SH3RF2: variants seen among roughly 807,000 people sequenced by gnomAD.
The protein encoded by SH3RF2 is SH3 domain containing ring finger 2.
SH3RF2 carries 43 observed loss-of-function variants against 59.0 expected under a neutral mutation model. The ratio of observed to expected loss-of-function variants is 0.73; its 90% CI spans 0.57 to 0.94. The LOEUF is 0.94. Ranked by LOEUF, SH3RF2 falls within the 40% of genes least tolerant of loss-of-function variation. The pLI is 0.00. For missense variants in SH3RF2, 930 were observed against 940.1 expected (o/e 0.99, Z 0.14); for synonymous variants, 391 against 391.5 (o/e 1.00, Z 0.01).
At chr5:145,949,475 T>C (rs1260692948) in intron 2 of SH3RF2, among the ~76,000 whole-genome samples, 1 of 152,142 alleles carries the variant, frequency 6.6e-6, no homozygotes, top group Non-Finnish European at 1.5e-5. Context: ...TGGCAGTAAA[T>C]CTTATCTGGG....
chr5:146,020,576 A>G (rs1383956220), intron 5 of SH3RF2, among the ~76,000 whole-genome samples: 2 of 152,162 alleles, frequency 1.3e-5, no homozygotes, highest in South Asian at 2.1e-4. Flanking sequence ...TCTCTCATAT[A>G]TATCTCTCTT....
intron 2 of SH3RF2, among the ~76,000 whole-genome samples, chr5:145,949,714 A>T (rs1345244757): frequency 1.3e-5 from 2 of 152,224 alleles, no homozygotes; most frequent in Non-Finnish European, 2.9e-5. Context: ...TTCTTTTCCT[A>T]TTGAGAGGTG....
intron 2 of SH3RF2, among the ~76,000 whole-genome samples, chr5:145,962,689 G>C (rs1008846062): frequency 6.6e-6 from 1 of 151,792 alleles, no homozygotes; most frequent in Non-Finnish European, 1.5e-5. Flanking sequence ...CCCTCCACCA[G>C]ATTAAAAGCT....
chr5:145,973,938 A>G (rs1759185815), intron 2 of SH3RF2, among the ~76,000 whole-genome samples: 1 of 152,224 alleles, frequency 6.6e-6, no homozygotes, highest in African/African-American at 2.4e-5. Context: ...ATTTAGAGGC[A>G]TAAAACAACA....
Position 145,938,579 on chromosome 5 carries a change from G to T in SH3RF2, c.378+273G>T, listed in dbSNP as rs1487562640. 3.3e-5 allele frequency among the ~76,000 whole-genome samples: 5 copies of T among 152,292 alleles called. No homozygotes were observed. The South Asian group carries it at 1.0e-3, about 32-fold the overall frequency. On this transcript the variant is annotated intron_variant, in intron 2 of 9. Coordinates refer to ENST00000359120, the MANE Select transcript of SH3RF2 (RefSeq NM_152550.4). ...GTAGTAGAACAAGGAAAGCCTTTTA[G>T]ATTATATTTTTGGTGTTTCACTTCT...
chr5:146,049,325 G>C (rs1247930087), intron 7 of SH3RF2, 80 bp downstream of exon 7: 2 of 1,455,982 alleles, frequency 1.4e-6, no homozygotes, highest in East Asian at 4.6e-5. Flanking sequence ...ACTGGTGGAA[G>C]ACCCAGTGCT....
intron 6 of SH3RF2, among the ~76,000 whole-genome samples, chr5:146,048,529 G>GA (rs1469909937): frequency 6.6e-6 from 1 of 151,962 alleles, no homozygotes; most frequent in Non-Finnish European, 1.5e-5. Context: ...ATTTTAGAAA[G>GA]AAAAAACAAA....
intron 7 of SH3RF2, among the ~76,000 whole-genome samples, chr5:146,050,393 G>A (rs1762455085): frequency 6.6e-6 from 1 of 152,144 alleles, no homozygotes; most frequent in African/African-American, 2.4e-5. Flanking sequence ...GTGAGGTGGT[G>A]GACTCTCTTT....
intron 7 of SH3RF2, among the ~76,000 whole-genome samples, chr5:146,054,867 A>C (rs1310796391): frequency 6.6e-6 from 1 of 152,212 alleles, no homozygotes; most frequent in Non-Finnish European, 1.5e-5. Flanking sequence ...CCAGGGTCTT[A>C]GTTGAGTTGG....
chr5:146,033,451 C>CGTTTTTT (rs1561753484), intron 5 of SH3RF2, among the ~76,000 whole-genome samples: 1 of 71,856 alleles, frequency 1.4e-5, no homozygotes, highest in Admixed American at 1.3e-4. Flanking sequence ...TAGCCCTTAG[C>CGTTTTTT]TTTTTTTTTT....
intron 2 of SH3RF2, among the ~76,000 whole-genome samples, chr5:145,982,356 T>G (rs1162377126): frequency 1.3e-5 from 2 of 152,222 alleles, no homozygotes; most frequent in African/African-American, 4.8e-5. Flanking sequence ...AATGAGCACA[T>G]TTCATAGCAC....
intron 2 of SH3RF2, among the ~76,000 whole-genome samples, chr5:145,999,025 T>A (rs35280924): frequency 0.56 from 84,797 of 150,630 alleles, 24,345 homozygotes; most frequent in South Asian, 0.79. Flanking sequence ...ACTTTATTAC[T>A]AAAAAAAAAA....
chr5:146,060,640 G>A (rs955554783), intron 9 of SH3RF2, among the ~76,000 whole-genome samples: 2 of 152,182 alleles, frequency 1.3e-5, no homozygotes, highest in African/African-American at 4.8e-5. Context: ...AAGAGTAATG[G>A]CCACACAGTA....
chr5:145,947,403 T>C (rs1758039175), intron 2 of SH3RF2, among the ~76,000 whole-genome samples: 1 of 152,190 alleles, frequency 6.6e-6, no homozygotes, highest in African/African-American at 2.4e-5. Context: ...ATTGTTACTA[T>C]GAAATAGAAA....
intron 5 of SH3RF2, among the ~76,000 whole-genome samples, chr5:146,040,910 G>A (rs1312436158): frequency 6.6e-6 from 1 of 152,096 alleles, no homozygotes; most frequent in African/African-American, 2.4e-5. Flanking sequence ...AGCACAGACA[G>A]CTTCATATTC....
At chr5:145,955,057 G>A (rs1029796339) in intron 2 of SH3RF2, among the ~76,000 whole-genome samples, 1 of 152,250 alleles carries the variant, frequency 6.6e-6, no homozygotes, top group South Asian at 2.1e-4. Flanking sequence ...CCTCCCACTA[G>A]GTCCCACCTC....
chr5:146,059,743 G>A, intron 8 of SH3RF2, 123 bp from the exon 9 acceptor site: 1 of 635,248 alleles, frequency 1.6e-6, no homozygotes, highest in Non-Finnish European at 2.5e-6. Context: ...GAGAATGTGA[G>A]TGCAGTCAGA....
At chr5:145,993,403 G>C (rs948167729) in intron 2 of SH3RF2, among the ~76,000 whole-genome samples, 1 of 152,180 alleles carries the variant, frequency 6.6e-6, no homozygotes, top group Non-Finnish European at 1.5e-5. Context: ...CTGTGGGGGG[G>C]CTCTGACCTC....
intron 2 of SH3RF2, among the ~76,000 whole-genome samples, chr5:145,961,787 C>G (rs943550124): frequency 2.0e-5 from 3 of 152,176 alleles, no homozygotes; most frequent in African/African-American, 4.8e-5. Context: ...TTTATCTGCT[C>G]TATTGTAGGA....
Sources: allele counts gnomAD v4.1 joint callset (sites outside exome capture counted in the v4.1 genomes callset), GRCh38; gene constraint gnomAD v4.1.1; transcripts MANE v1.5; gene names NCBI Gene and HGNC (gene_info 2026-07-23, HGNC 2026-07-21).